Variants in TMEM167A observed in about 807,000 individuals in gnomAD.
TMEM167A encodes the protein transmembrane protein 167A.
Under a neutral mutation model 11.6 loss-of-function variants are expected in TMEM167A, and 8 were observed. The observed-to-expected ratio is 0.69, with a 90% CI of 0.40 to 1.24. The LOEUF is 1.24. TMEM167A is among the 50% of genes most tolerant of loss of function. TMEM167A has a pLI of 0.01. For synonymous variants in TMEM167A, 22 were observed against 28.0 expected (o/e 0.79, Z 0.67); for missense variants, 62 against 87.0 (o/e 0.71, Z 1.14).
intron 1 of TMEM167A, among the ~76,000 whole-genome samples, chr5:83,066,074 C>G (rs1744476968): frequency 6.6e-6 from 1 of 152,052 alleles, no homozygotes; most frequent in African/African-American, 2.4e-5. Context: ...GACTCTGAAT[C>G]TCCAGCACCA....
At chr5:83,076,936 AAAC>A (rs1285146635) in intron 1 of TMEM167A, among the ~76,000 whole-genome samples, 5 of 152,356 alleles carry the variant, frequency 3.3e-5, no homozygotes, top group Admixed American at 3.3e-4. Flanking sequence ...CCCAAAAATC[AAAC>A]AATAACACCA....
chr5:83,057,867 C>G (rs142105371), intron 3 of TMEM167A, among the ~76,000 whole-genome samples: 47 of 152,144 alleles, frequency 3.1e-4, no homozygotes, highest in Non-Finnish European at 5.7e-4. Flanking sequence ...TGAATTGTCT[C>G]GCAAACAGAT....
chr5:83,059,757 T>A (rs905489407), intron 3 of TMEM167A, among the ~76,000 whole-genome samples: 1 of 152,074 alleles, frequency 6.6e-6, no homozygotes, highest in Non-Finnish European at 1.5e-5. Context: ...ACTCCAGTAC[T>A]ATGGACATTT....
chr5:83,074,440 A>G (rs1744608504), intron 1 of TMEM167A, among the ~76,000 whole-genome samples: 1 of 152,216 alleles, frequency 6.6e-6, no homozygotes, highest in South Asian at 2.1e-4. Flanking sequence ...CTTCTGCTAT[A>G]AGAGGAGAGA....
rs199792439 is a variant in TMEM167A, at chr5:83,077,338, T to G, written c.-15A>C. 1.9e-6 allele frequency: 3 copies of G among 1,614,040 alleles called. No individual in the cohort carries two copies. Among genetic ancestry groups the G allele is most frequent in the African/African-American group, 1.3e-5 (1 of 74,942 alleles). On this transcript the variant is annotated 5_prime_UTR_variant, in exon 1 of 4. Coordinates refer to ENST00000502346, the MANE Select transcript of TMEM167A (RefSeq NM_174909.5). ...CTTCTTACCATAGCGAGGCCGGCGA[T>G]GCCGCAGCCACATCACCCTTCCGGG...
chr5:83,059,166 C>CA (rs369393831), intron 3 of TMEM167A, among the ~76,000 whole-genome samples: 2,186 of 118,306 alleles, frequency 0.018, 42 homozygotes, highest in East Asian at 0.099. Context: ...AAATAACAAG[C>CA]AAAAAAAAAA....
At position 83,055,054 on chromosome 5, in the gene TMEM167A, T is replaced by C. The variant is rs1222731995; in HGVS notation, c.*2030A>G. On this transcript the variant is annotated 3_prime_UTR_variant, in exon 4 of 4. Transcript: ENST00000502346. ...TAATTGCTTTTATTCATACTGTGTC[T>C]CTCCCTGACTTCTCCAAAAGCTTGT... 6.6e-6 allele frequency: 1 copy of C among 151,954 alleles called. No individual in the cohort carries two copies. Among genetic ancestry groups the C allele is most frequent in the Non-Finnish European group, 1.5e-5 (1 of 67,924 alleles). 9.4% of individuals were successfully genotyped at this position (151,954 alleles called of 1,614,324 possible). A position where few individuals can be genotyped will look rare whatever the true frequency, so the allele number is the denominator to read the frequency against.
rs903526528 is a variant in TMEM167A, at chr5:83,055,769, C to T, written c.*1315G>A. On this transcript the variant is annotated 3_prime_UTR_variant, in exon 4 of 4. Transcript: ENST00000502346. ...CTTTCAGTTCCATACGTTGTTTCTG[C>T]AGAAATAACTACTAGCCTATTAATC... The T allele has an allele frequency of 6.7e-6, 1 of 148,854 alleles. No homozygotes were observed. The highest frequency in any genetic ancestry group is 1.5e-5 in the Non-Finnish European group (1 of 67,198). The allele number at this position is 148,854 out of a possible 1,614,324, so 9.2% of individuals were successfully genotyped here. A position where few individuals can be genotyped will look rare whatever the true frequency, so the allele number is the denominator to read the frequency against.
chr5:83,056,472 T>G lies in TMEM167A; in HGVS notation c.*612A>C, dbSNP rs1487794142. On this transcript the variant is annotated 3_prime_UTR_variant, in exon 4 of 4. Coordinates refer to ENST00000502346, the MANE Select transcript of TMEM167A (RefSeq NM_174909.5). ...TCCACTAATGTTAACTATCAACATT[T>G]TCCCAATACTATTTTTAAGTTACAT... The G allele has an allele frequency of 6.6e-6, 1 of 152,244 alleles. No homozygotes were observed. The highest frequency in any genetic ancestry group is 1.5e-5 in the Non-Finnish European group (1 of 68,134). The allele number at this position is 152,244 out of a possible 1,614,324, so 9.4% of individuals were successfully genotyped here.
At chr5:83,067,679 AT>A (rs75444591) in intron 1 of TMEM167A, among the ~76,000 whole-genome samples, 414 of 143,176 alleles carry the variant, frequency 2.9e-3, no homozygotes, top group Middle Eastern at 7.5e-3. Flanking sequence ...TAAATTTTGT[AT>A]TTTTTTTTTT....
Position 83,055,681 on chromosome 5 carries a change from C to G in TMEM167A, c.*1403G>C, listed in dbSNP as rs1744318821. 6.6e-6 allele frequency: 1 copy of G among 151,936 alleles called. No homozygotes were observed. The highest frequency in any genetic ancestry group is 2.1e-4 in the South Asian group (1 of 4,826). 9.4% of individuals were successfully genotyped at this position (151,936 alleles called of 1,614,324 possible). On this transcript the variant is annotated 3_prime_UTR_variant, in exon 4 of 4. Transcript: ENST00000502346. ...AAAACCACCACAGGCAACACACAAG[C>G]TTAAGATGTTTCCTAGAATCCATTC...
intron 2 of TMEM167A, among the ~76,000 whole-genome samples, chr5:83,064,538 G>A (rs1055520534): frequency 1.3e-5 from 2 of 152,036 alleles, no homozygotes; most frequent in African/African-American, 2.4e-5. Context: ...TACAGTTGGC[G>A]GGTACAGAAG....
chr5:83,056,981 T>C lies in TMEM167A; in HGVS notation c.*103A>G, dbSNP rs1178650030. ...GCATCTGGAAATTTATCTCATTCAATGTTCGGAGATAAAAGAGTTAAACAT... is the reference window on the plus strand; with the variant it reads ...GCATCTGGAAATTTATCTCATTCAACGTTCGGAGATAAAAGAGTTAAACAT... On this transcript the variant is annotated 3_prime_UTR_variant, in exon 4 of 4. Coordinates refer to ENST00000502346, the MANE Select transcript of TMEM167A (RefSeq NM_174909.5). 4.0e-6 allele frequency: 4 copies of C among 997,156 alleles called. No homozygotes were observed. Among genetic ancestry groups the C allele is most frequent in the African/African-American group, 3.2e-5 (2 of 62,300 alleles). 61.8% of individuals were successfully genotyped at this position (997,156 alleles called of 1,614,324 possible).
intron 1 of TMEM167A, among the ~76,000 whole-genome samples, chr5:83,067,995 T>C (rs1017368966): frequency 2.0e-5 from 3 of 152,170 alleles, no homozygotes; most frequent in African/African-American, 4.8e-5. Flanking sequence ...AAATTGGGTT[T>C]TAATCTTAAA....
At chr5:83,077,198 T>C (rs948503335) in intron 1 of TMEM167A, 123 bp downstream of exon 1, 1 of 1,429,882 alleles carries the variant, frequency 7.0e-7, no homozygotes, top group Non-Finnish European at 9.8e-7. Context: ...AGGGACCACA[T>C]GGCTCCAAGG....
chr5:83,061,728 C>T, intron 3 of TMEM167A, 149 bp downstream of exon 3: 1 of 747,670 alleles, frequency 1.3e-6, no homozygotes, highest in Non-Finnish European at 2.2e-6. Context: ...AGGAAAAGAG[C>T]TTGGTACAAC....
chr5:83,077,232 C>A, intron 1 of TMEM167A, 89 bp downstream of exon 1: 1 of 1,598,274 alleles, frequency 6.3e-7, no homozygotes, highest in East Asian at 2.2e-5. Context: ...GGCCCACACA[C>A]CCCGGGCTGC....
chr5:83,073,196 A>T (rs1312832339), intron 1 of TMEM167A, among the ~76,000 whole-genome samples: 1 of 152,216 alleles, frequency 6.6e-6, no homozygotes, highest in African/African-American at 2.4e-5. Context: ...CTGTTTCTTC[A>T]TATGAAAAAT....
At chr5:83,070,671 GT>G (rs1379709572) in intron 1 of TMEM167A, among the ~76,000 whole-genome samples, 2 of 152,096 alleles carry the variant, frequency 1.3e-5, no homozygotes, top group African/African-American at 4.8e-5. Context: ...TACTTACAAT[GT>G]TGACAAACCT....
Sources: gnomAD v4.1 joint callset for allele counts (sites outside exome capture counted in the v4.1 genomes callset) on GRCh38, gnomAD v4.1.1 for gene constraint, MANE v1.5 for transcripts, NCBI Gene and HGNC (gene_info 2026-07-23, HGNC 2026-07-21) for gene names.